Variants in ZW10 observed in about 807,000 individuals in gnomAD.
ZW10 encodes the protein centromere/kinetochore protein zw10 homolog.
ZW10 carries 53 observed loss-of-function variants against 87.8 expected under a neutral mutation model. The ratio of observed to expected loss-of-function variants is 0.60; its 90% CI spans 0.48 to 0.76. The LOEUF (loss-of-function observed/expected upper bound fraction) is 0.76, where lower values mean the gene tolerates loss of function less well. Ranked by LOEUF, ZW10 falls within the 30% of genes least tolerant of loss-of-function variation. The pLI is 0.00. For synonymous variants in ZW10, 312 were observed against 329.2 expected, an observed-to-expected ratio of 0.95 and a Z score of 0.57; for missense variants, 837 against 923.0, an observed-to-expected ratio of 0.91 and a Z score of 1.21.
chr11:113,737,794 A>G, intron 13 of ZW10, 91 bp from the exon 14 acceptor site: 1 of 1,436,476 alleles, frequency 7.0e-7, no homozygotes, highest in South Asian at 1.5e-5. Context: ...GTTCATTGGG[A>G]AAGTGGCATT....
intron 1 of ZW10, among the ~76,000 whole-genome samples, chr11:113,772,265 A>G (rs1565290480): frequency 6.6e-6 from 1 of 152,220 alleles, no homozygotes; most frequent in Non-Finnish European, 1.5e-5. Context: ...CGCAGGAGCT[A>G]GGGTCGCTTG....
chr11:113,744,769 G>A (rs527398461), intron 9 of ZW10, among the ~76,000 whole-genome samples: 3 of 152,028 alleles, frequency 2.0e-5, no homozygotes, highest in Admixed American at 1.3e-4. Flanking sequence ...TGGCCCAGGC[G>A]GGTCTCGAAC....
chr11:113,753,416 GTTTT>G (rs909352569), intron 7 of ZW10, among the ~76,000 whole-genome samples: 3 of 151,816 alleles, frequency 2.0e-5, no homozygotes, highest in African/African-American at 7.3e-5. Flanking sequence ...GTTTTGTTTT[GTTTT>G]TTTGAGATAA....
chr11:113,737,820 A>G, intron 13 of ZW10, 117 bp from the exon 14 acceptor site: 1 of 1,186,990 alleles, frequency 8.4e-7, no homozygotes, highest in African/African-American at 1.5e-5. Context: ...AAAATGAGGT[A>G]AAGTAACTAA....
intron 15 of ZW10, among the ~76,000 whole-genome samples, 190 bp from the exon 16 acceptor site, chr11:113,734,004 G>A (rs1283573267): frequency 6.6e-6 from 1 of 152,156 alleles, no homozygotes; most frequent in Non-Finnish European, 1.5e-5. Context: ...CACTACAACT[G>A]GTTATCAGCA....
chr11:113,764,785 T>C (rs1438264787), intron 2 of ZW10, among the ~76,000 whole-genome samples: 1 of 152,212 alleles, frequency 6.6e-6, no homozygotes, highest in African/African-American at 2.4e-5. Flanking sequence ...CTGTGTTAAC[T>C]TTCCTTCCTT....
chr11:113,759,986 G>C (rs923268519), intron 5 of ZW10, among the ~76,000 whole-genome samples: 3 of 152,112 alleles, frequency 2.0e-5, no homozygotes, highest in Admixed American at 2.0e-4. Flanking sequence ...CATTTCTAGG[G>C]AACAGGACAG....
intron 7 of ZW10, among the ~76,000 whole-genome samples, chr11:113,756,599 A>G (rs1485193772): frequency 6.6e-6 from 1 of 152,230 alleles, no homozygotes; most frequent in African/African-American, 2.4e-5. Context: ...AAAACAAAAC[A>G]AAACAAAAAC....
At chr11:113,734,784 G>A (rs1046746718) in intron 15 of ZW10, among the ~76,000 whole-genome samples, 37 of 147,018 alleles carry the variant, frequency 2.5e-4, no homozygotes, top group Admixed American at 6.2e-4. Flanking sequence ...CAGCCTGGGC[G>A]ACAGAGTGAG....
At position 113,760,301 on chromosome 11, in the gene ZW10, C is replaced by A. The variant is rs1305898272; in HGVS notation, c.488G>T (p.Ser163Ile). ...CTGTTTCTGTATTGTGAGCTCCATG[C>A]TGAGAGATTTCAATATTTTTAAATC... ...CFDLKILKSLSMELTIQKQNI... is the reference protein window; with the variant it reads ...CFDLKILKSLIMELTIQKQNI... The change falls in exon 5 of 16, where the codon AGC becomes ATC. Residue 163 changes from serine to isoleucine, a missense_variant. Ser to Ile is a moderately radical substitution (Grantham distance 142). Transcript: ENST00000200135. 1 of 1,614,082 alleles carries A rather than the reference C, an allele frequency of 6.2e-7. No homozygotes were observed. Among genetic ancestry groups the A allele is most frequent in the Admixed American group, 1.7e-5 (1 of 60,010 alleles).
intron 2 of ZW10, among the ~76,000 whole-genome samples, chr11:113,767,023 AT>A (rs1284398348): frequency 1.3e-5 from 2 of 152,128 alleles, no homozygotes; most frequent in South Asian, 2.1e-4. Flanking sequence ...CTCAAAAAAA[AT>A]TTTTTTAAAG....
At chr11:113,750,858 G>GT (rs551864128) in intron 7 of ZW10, among the ~76,000 whole-genome samples, 3,948 of 144,276 alleles carry the variant, frequency 0.027, 169 homozygotes, top group African/African-American at 0.093. Context: ...AAGTGATCTT[G>GT]TTTTTTTTTT....
intron 2 of ZW10, among the ~76,000 whole-genome samples, chr11:113,762,786 G>C (rs1047226446): frequency 1.3e-5 from 2 of 152,148 alleles, no homozygotes; most frequent in South Asian, 4.1e-4. Context: ...CCAAAGTGCT[G>C]GGATTACAGG....
rs527453835 is a variant in ZW10, at chr11:113,769,463, A to G, written c.106-496T>C. ...ATCAATTTCTATTTTCTTGCCTATA[A>G]TATTTTATGGCCTGATCTTAAAACC... is the stretch of plus-strand genomic sequence containing the variant. On this transcript the variant is annotated intron_variant, in intron 1 of 15. Transcript: ENST00000200135. Among the ~76,000 whole-genome samples the G allele has an allele frequency of 6.6e-5, 10 of 152,356 alleles. No homozygotes were observed. In the South Asian group the frequency reaches 2.1e-3, roughly 32 times the overall value.
intron 2 of ZW10, among the ~76,000 whole-genome samples, chr11:113,762,427 T>A (rs1171222649): frequency 6.6e-6 from 1 of 152,192 alleles, no homozygotes; most frequent in East Asian, 1.9e-4. Flanking sequence ...ATAAACACTA[T>A]ACATTTAGGT....
At chr11:113,769,075 C>T (rs948270797) in intron 1 of ZW10, 108 bp from the exon 2 acceptor site, 1 of 1,168,148 alleles carries the variant, frequency 8.6e-7, no homozygotes, top group Non-Finnish European at 1.2e-6. Flanking sequence ...AACCTTCTTG[C>T]CAATTGCCTA....
In ZW10 at chr11:113,748,142, T is replaced by A. The variant is rs955434270; in HGVS notation, c.1089+115A>T. 5.3e-6 allele frequency: 5 copies of A among 946,430 alleles called. No homozygotes were observed. In the Admixed American group the frequency reaches 1.6e-4, roughly 30 times the overall value. 58.6% of individuals were successfully genotyped at this position (946,430 alleles called of 1,614,324 possible). On this transcript the variant is annotated intron_variant, in intron 8 of 15. Coordinates refer to ENST00000200135, the MANE Select transcript of ZW10 (RefSeq NM_004724.4). ...ATATGGAATTTGTCTCTATTCCTTA[T>A]TAATAATTTACTTAAAGGTATAACT...
At chr11:113,762,166 T>C (rs1051894111) in intron 2 of ZW10, among the ~76,000 whole-genome samples, 1 of 152,210 alleles carries the variant, frequency 6.6e-6, no homozygotes, top group Non-Finnish European at 1.5e-5. Flanking sequence ...GTACCTAGGC[T>C]ATATAAAACT....
At chr11:113,741,829 T>G (rs1953622712) in intron 10 of ZW10, 64 bp from the exon 11 acceptor site, 2 of 1,145,056 alleles carry the variant, frequency 1.7e-6, no homozygotes, top group African/African-American at 1.6e-5. Flanking sequence ...GAAAAAAATT[T>G]AAACTAAGTG....
Sources: allele counts gnomAD v4.1 joint callset (sites outside exome capture counted in the v4.1 genomes callset), GRCh38; gene constraint gnomAD v4.1.1; transcripts MANE v1.5; gene names NCBI Gene and HGNC (gene_info 2026-07-23, HGNC 2026-07-21).